SHISA9: variants seen among roughly 807,000 people sequenced by gnomAD.
The protein encoded by SHISA9 is protein shisa-9.
A neutral mutation model predicts 38.0 loss-of-function variants in SHISA9; 13 were observed. The ratio of observed to expected loss-of-function variants is 0.34; its 90% CI spans 0.22 to 0.54. The LOEUF is 0.54. Ranked by LOEUF, SHISA9 falls within the 20% of genes least tolerant of loss-of-function variation. The pLI is 0.91. For synonymous variants in SHISA9, 275 were observed against 242.0 expected, an observed-to-expected ratio of 1.14 and a Z score of -1.27; for missense variants, 538 against 575.8, an observed-to-expected ratio of 0.93 and a Z score of 0.67.
chr16:13,243,529 A>C (rs989592156), downstream of SHISA9, among the ~76,000 whole-genome samples: 1 of 152,134 alleles, frequency 6.6e-6, no homozygotes, highest in Non-Finnish European at 1.5e-5. Context: ...GATCAATAGA[A>C]AGGAATGTTT....
At chr16:13,136,297 A>C (rs1366187388) in intron 2 of SHISA9, among the ~76,000 whole-genome samples, 1 of 152,046 alleles carries the variant, frequency 6.6e-6, no homozygotes, top group African/African-American at 2.4e-5. Context: ...TATAAATAAA[A>C]ATTTCTTGCC....
chr16:13,444,362 C>T, the SHISA9 span, among the ~76,000 whole-genome samples: 6 of 132,008 alleles, frequency 4.5e-5, no homozygotes, highest in East Asian at 1.6e-3. Context: ...CAGAGCAAGA[C>T]TCTGTGAAAA....
the SHISA9 span, among the ~76,000 whole-genome samples, chr16:13,457,988 T>C: frequency 1.3e-5 from 2 of 151,778 alleles, no homozygotes; most frequent in Admixed American, 6.6e-5. Flanking sequence ...TTCCTTCCTT[T>C]CTTCCTTCCT....
intron 2 of SHISA9, among the ~76,000 whole-genome samples, chr16:13,190,812 T>A (rs1327268597): frequency 1.3e-4 from 20 of 152,198 alleles, no homozygotes. Flanking sequence ...CCATCCTAAA[T>A]GGTTCAAATT....
the SHISA9 span, among the ~76,000 whole-genome samples, chr16:13,356,289 G>A: frequency 4.6e-5 from 7 of 152,196 alleles, no homozygotes; most frequent in African/African-American, 1.4e-4. Context: ...TTGAGAATAA[G>A]ACGGCCTTTT....
intron 2 of SHISA9, among the ~76,000 whole-genome samples, chr16:13,105,836 G>A (rs995365604): frequency 6.6e-6 from 1 of 152,170 alleles, no homozygotes; most frequent in South Asian, 2.1e-4. Flanking sequence ...GAGCTTCTAG[G>A]TTGAGGAACA....
At chr16:13,201,242 C>T (rs1239796780) in intron 2 of SHISA9, among the ~76,000 whole-genome samples, 1 of 134,292 alleles carries the variant, frequency 7.4e-6, no homozygotes, top group Non-Finnish European at 1.6e-5. Flanking sequence ...GTTTCAGGAC[C>T]CTCCAAGGAT....
At chr16:13,493,456 C>T in the SHISA9 span, among the ~76,000 whole-genome samples, 2,256 of 152,232 alleles carry the variant, frequency 0.015, 52 homozygotes, top group African/African-American at 0.05. Flanking sequence ...GGCAGAACAG[C>T]GAGGTCAGGA....
the SHISA9 span, among the ~76,000 whole-genome samples, chr16:13,253,469 A>C: frequency 6.6e-6 from 1 of 152,206 alleles, no homozygotes; most frequent in African/African-American, 2.4e-5. Flanking sequence ...GAAGAGGTTT[A>C]ATGGACTTAC....
intron 2 of SHISA9, among the ~76,000 whole-genome samples, chr16:13,156,315 T>C (rs2050546389): frequency 6.6e-6 from 1 of 152,208 alleles, no homozygotes; most frequent in South Asian, 2.1e-4. Flanking sequence ...CCAGCATGCT[T>C]AGCACTGAGC....
chr16:13,128,616 G>C (rs1156513839), intron 2 of SHISA9, among the ~76,000 whole-genome samples: 1 of 152,204 alleles, frequency 6.6e-6, no homozygotes, highest in Non-Finnish European at 1.5e-5. Flanking sequence ...AATTAGGTCA[G>C]TGTTAGTTAA....
the SHISA9 span, among the ~76,000 whole-genome samples, chr16:13,398,194 T>C: frequency 6.6e-6 from 1 of 152,104 alleles, no homozygotes; most frequent in African/African-American, 2.4e-5. Context: ...TCTTGGGAAA[T>C]GCAACATTTG....
At chr16:13,139,398 C>CTTCCTTCCTTCCTTCTTTCT (rs749879389) in intron 2 of SHISA9, among the ~76,000 whole-genome samples, 1 of 100,358 alleles carries the variant, frequency 1.0e-5, no homozygotes, top group Non-Finnish European at 1.9e-5. Flanking sequence ...TCCTTCTTTC[C>CTTCCTTCCTTCCTTCTTTCT]TTCCTTCCTT....
At chr16:13,373,027 C>T in the SHISA9 span, among the ~76,000 whole-genome samples, 1 of 152,060 alleles carries the variant, frequency 6.6e-6, no homozygotes, top group African/African-American at 2.4e-5. Flanking sequence ...TTCTTGCCCC[C>T]CTTGGAGGCC....
At chr16:13,561,715 C>T in the SHISA9 span, among the ~76,000 whole-genome samples, 1 of 152,000 alleles carries the variant, frequency 6.6e-6, no homozygotes, top group Non-Finnish European at 1.5e-5. Context: ...CCTGTGTGGC[C>T]CTACGTGCCA....
chr16:13,276,030 G>A, the SHISA9 span, among the ~76,000 whole-genome samples: 2 of 151,958 alleles, frequency 1.3e-5, no homozygotes, highest in South Asian at 4.1e-4. Context: ...CATCATGCGA[G>A]CAGTATACAC....
the SHISA9 span, among the ~76,000 whole-genome samples, chr16:13,273,129 G>A: frequency 1.3e-5 from 2 of 152,062 alleles, no homozygotes; most frequent in African/African-American, 2.4e-5. Context: ...ACCTCCACAT[G>A]GGACAAAGTT....
At chr16:13,418,025 T>G in the SHISA9 span, among the ~76,000 whole-genome samples, 1 of 152,250 alleles carries the variant, frequency 6.6e-6, no homozygotes, top group Non-Finnish European at 1.5e-5. Flanking sequence ...TTTTCTTCTT[T>G]AAATCCTTCC....
chr16:13,278,698 C>T, the SHISA9 span, among the ~76,000 whole-genome samples: 1 of 152,030 alleles, frequency 6.6e-6, no homozygotes, highest in Non-Finnish European at 1.5e-5. Flanking sequence ...CTAGTATATG[C>T]ACATAAAGGT....
Sources: allele counts gnomAD v4.1 joint callset (sites outside exome capture counted in the v4.1 genomes callset), GRCh38; gene constraint gnomAD v4.1.1; transcripts MANE v1.5; gene names NCBI Gene and HGNC (gene_info 2026-07-23, HGNC 2026-07-21).